The following SNX14 variants were observed in gnomAD, a reference collection of about 807,000 sequenced individuals.
SNX14 encodes sorting nexin 14, also known as sorting nexin-14.
A neutral mutation model predicts 133.8 loss-of-function variants in SNX14; 93 were observed. That is an observed-to-expected ratio of 0.70 (90% CI 0.59 to 0.83). The LOEUF (loss-of-function observed/expected upper bound fraction) is 0.83, where lower values mean the gene tolerates loss of function less well. SNX14 is among the 40% of genes least tolerant of loss of function. SNX14 has a pLI of 0.00. For synonymous variants in SNX14, 368 were observed against 365.6 expected, an observed-to-expected ratio of 1.01 and a Z score of -0.07; for missense variants, 945 against 1,094.9, an observed-to-expected ratio of 0.86 and a Z score of 1.93.
chr6:85,576,017 A>T (rs1310698973), intron 1 of SNX14, among the ~76,000 whole-genome samples: 2 of 152,176 alleles, frequency 1.3e-5, no homozygotes, highest in African/African-American at 4.8e-5. Flanking sequence ...TGTACTACTC[A>T]CTTTACTATT....
At chr6:85,543,962 T>C (rs1784687279) in intron 12 of SNX14, among the ~76,000 whole-genome samples, 1 of 152,056 alleles carries the variant, frequency 6.6e-6, no homozygotes, top group Non-Finnish European at 1.5e-5. Flanking sequence ...TATACATTAA[T>C]AGAAAATATG....
chr6:85,546,538 A>G (rs1785549323), intron 12 of SNX14, among the ~76,000 whole-genome samples: 1 of 152,224 alleles, frequency 6.6e-6, no homozygotes. Flanking sequence ...GGTTTTTAAT[A>G]TATTTTCATT....
intron 12 of SNX14, among the ~76,000 whole-genome samples, chr6:85,545,519 A>G (rs1785180649): frequency 6.6e-6 from 1 of 152,236 alleles, no homozygotes; most frequent in African/African-American, 2.4e-5. Flanking sequence ...GCAGACTTCA[A>G]GACTAAAAAT....
intron 7 of SNX14, among the ~76,000 whole-genome samples, chr6:85,555,716 A>G (rs906618130): frequency 2.1e-4 from 32 of 152,230 alleles, no homozygotes; most frequent in East Asian, 3.8e-4. Flanking sequence ...GAGGCCAGGC[A>G]CGGTGGCTCA....
intron 4 of SNX14, chr6:85,568,366 AAGGGAGTAT>A (rs1216993375): frequency 1.3e-5 from 2 of 152,190 alleles, no homozygotes; most frequent in Admixed American, 1.3e-4. Context: ...GTTACCTCTG[AAGGGAGTAT>A]AGTGGCTAGA....
chr6:85,555,919 T>C (rs1789591625), intron 7 of SNX14, among the ~76,000 whole-genome samples: 1 of 151,812 alleles, frequency 6.6e-6, no homozygotes, highest in Non-Finnish European at 1.5e-5. Context: ...ACCTGGGAAG[T>C]GGAGGTTGCA....
Position 85,513,913 on chromosome 6 carries a change from G to A in SNX14, c.2558-18C>T. ...TATAGCATCTAAAAAAGAGTAAAAA[G>A]AAATATTTCTGGAATTTTCATCTAT... On this transcript the variant is annotated intron_variant, in intron 25 of 28. Transcript: ENST00000314673. 2 of 1,593,622 alleles carry A rather than the reference G, an allele frequency of 1.3e-6. No homozygotes were observed. Among genetic ancestry groups the A allele is most frequent in the Non-Finnish European group, 1.7e-6 (2 of 1,170,922 alleles).
chr6:85,574,388 A>C lies in SNX14; in HGVS notation c.141-10T>G, dbSNP rs753189695. 1 of 1,486,276 alleles carries C rather than the reference A, an allele frequency of 6.7e-7. No individual in the cohort carries two copies. Among genetic ancestry groups the C allele is most frequent in the South Asian group, 1.3e-5 (1 of 75,426 alleles). The allele number at this position is 1,486,276 out of a possible 1,614,324, so 92.1% of individuals were successfully genotyped here. On this transcript the variant is annotated splice_polypyrimidine_tract_variant and intron_variant, in intron 1 of 28. Transcript: ENST00000314673. ...TAAAATATGAATATACCTTAAAAAT[A>C]AATGAAAATAATTATTACAACCAAA...
At chr6:85,519,469 T>G (rs760606517) in intron 21 of SNX14, among the ~76,000 whole-genome samples, 1 of 152,190 alleles carries the variant, frequency 6.6e-6, no homozygotes, top group Non-Finnish European at 1.5e-5. Context: ...TCTCTACAGA[T>G]ATTTAAAAAT....
chr6:85,555,944 T>C lies in SNX14; in HGVS notation c.634+2032A>G, dbSNP rs549959487. ...TGGAGGTTGCAGTGAGCTGAGATTG[T>C]GCCATTGGTCTCCAGACTGGGCAAC... is the stretch of plus-strand genomic sequence containing the variant. On this transcript the variant is annotated intron_variant, in intron 7 of 28. Transcript: ENST00000314673. Among the ~76,000 whole-genome samples the C allele has an allele frequency of 4.0e-5, 6 of 151,812 alleles. No individual in the cohort carries two copies. In the East Asian group the frequency reaches 1.2e-3, roughly 29 times the overall value.
intron 15 of SNX14, among the ~76,000 whole-genome samples, chr6:85,539,277 CAG>C (rs1314244017): frequency 6.6e-6 from 1 of 152,084 alleles, no homozygotes; most frequent in Non-Finnish European, 1.5e-5. Context: ...GGAAAGTATG[CAG>C]AGACTGAGCC....
intron 15 of SNX14, among the ~76,000 whole-genome samples, chr6:85,541,098 ATTC>A (rs1287760027): frequency 1.3e-5 from 2 of 151,856 alleles, no homozygotes; most frequent in East Asian, 1.9e-4. Flanking sequence ...GGCTCGAACA[ATTC>A]TTCTGCTTCG....
chr6:85,512,118 C>T (rs1341290101), intron 26 of SNX14, among the ~76,000 whole-genome samples: 2 of 152,136 alleles, frequency 1.3e-5, no homozygotes, highest in East Asian at 3.9e-4. Context: ...AAGGCCAGGG[C>T]TGGCTAGAGT....
chr6:85,518,306 G>A (rs879913994), intron 21 of SNX14, among the ~76,000 whole-genome samples: 3 of 152,086 alleles, frequency 2.0e-5, no homozygotes, highest in Non-Finnish European at 4.4e-5. Context: ...AACAAGCCAA[G>A]GGTTGATAAC....
intron 1 of SNX14, among the ~76,000 whole-genome samples, chr6:85,592,160 C>T (rs1358305987): frequency 1.3e-5 from 2 of 152,218 alleles, no homozygotes; most frequent in South Asian, 2.1e-4. Flanking sequence ...TCCCACACTC[C>T]TACAGTTCAA....
intron 4 of SNX14, among the ~76,000 whole-genome samples, chr6:85,569,433 T>C (rs1298706088): frequency 6.6e-6 from 1 of 152,126 alleles, no homozygotes; most frequent in Non-Finnish European, 1.5e-5. Flanking sequence ...TATATGAAAA[T>C]AAGAAAGGTA....
At chr6:85,555,427 A>G (rs1275311966) in intron 7 of SNX14, among the ~76,000 whole-genome samples, 3 of 152,208 alleles carry the variant, frequency 2.0e-5, no homozygotes, top group Non-Finnish European at 4.4e-5. Context: ...TCAAGCTATG[A>G]AAAGATAGAG....
intron 5 of SNX14, 87 bp downstream of exon 5, chr6:85,567,447 G>A (rs1794238413): frequency 1.5e-5 from 15 of 976,794 alleles, no homozygotes; most frequent in East Asian, 2.8e-5. Flanking sequence ...AGAAATCCTG[G>A]TCTACATGAA....
chr6:85,543,880 A>G, intron 12 of SNX14, 120 bp from the exon 13 acceptor site: 1 of 485,190 alleles, frequency 2.1e-6, no homozygotes, highest in Non-Finnish European at 3.2e-6. Flanking sequence ...AATCTAATTC[A>G]TCTAAGTTTT....
Sources: allele counts gnomAD v4.1 joint callset (sites outside exome capture counted in the v4.1 genomes callset), GRCh38; gene constraint gnomAD v4.1.1; transcripts MANE v1.5; gene names NCBI Gene and HGNC (gene_info 2026-07-23, HGNC 2026-07-21).